Variants in FUZ observed in about 807,000 individuals in gnomAD.
FUZ encodes protein fuzzy homolog.
A neutral mutation model predicts 43.1 loss-of-function variants in FUZ; 31 were observed. That is an observed-to-expected ratio of 0.72 (90% CI 0.54 to 0.97). The LOEUF is 0.97. Ranked by LOEUF, FUZ falls within the 50% of genes least tolerant of loss-of-function variation. FUZ has a pLI of 0.00. For missense variants in FUZ, 539 were observed against 543.8 expected (o/e 0.99, Z 0.09); for synonymous variants, 274 against 250.0 (o/e 1.10, Z -0.91).
chr19:49,808,243 C>G, intron 10 of FUZ, 171 bp downstream of exon 10: 1 of 737,902 alleles, frequency 1.4e-6, no homozygotes, highest in Admixed American at 2.1e-5. Context: ...CTCCCTTCCC[C>G]TCCCTTCCCA....
At position 49,811,646 on chromosome 19, in the gene FUZ, C is replaced by T; in HGVS notation, c.372G>A (p.Leu124=). ...GCAACCTCACCCTCAAGTCCTTCTT[C>T]AGTCTCTCCACGTTGCGGATATTGG... ...ELTNIRNVER[L]KKDLRASYCL... is the part of the protein sequence containing the mutation. The change falls in exon 4 of 11, where the codon CTG becomes CTA. Residue 124 remains leucine (L), a synonymous_variant. Transcript: ENST00000313777. 6.2e-7 allele frequency: 1 copy of T among 1,614,210 alleles called. No homozygotes were observed. Among genetic ancestry groups the T allele is most frequent in the Non-Finnish European group, 8.5e-7 (1 of 1,180,014 alleles).
chr19:49,811,769 G>A (rs2123831661), intron 3 of FUZ, 70 bp from the exon 4 acceptor site: 1 of 1,273,568 alleles, frequency 7.9e-7, no homozygotes. Context: ...AAGGAAGAGG[G>A]GGCTGGGACT....
At position 49,809,087 on chromosome 19, in the gene FUZ, A is replaced by T. The variant is rs2073610108; in HGVS notation, c.786+76T>A. ...GGGGCTGGGGAAAGATGCCGCTGGC[A>T]GGGCAGGGTGGTGGGGAAGGGCCCT... On this transcript the variant is annotated intron_variant, in intron 7 of 10. Transcript: ENST00000313777. The surrounding 1 kb of genome is among the most constrained non-coding windows in gnomAD (Gnocchi z 5.1). 7.4e-7 allele frequency: 1 copy of T among 1,349,524 alleles called. No homozygotes were observed. The highest frequency in any genetic ancestry group is 1.0e-6 in the Non-Finnish European group (1 of 964,768). 83.6% of individuals were successfully genotyped at this position (1,349,524 alleles called of 1,614,324 possible). A position where few individuals can be genotyped will look rare whatever the true frequency, so the allele number is the denominator to read the frequency against.
rs1248850959 is a variant in FUZ at position 49,809,501 on chromosome 19, T to G, written c.567A>C (p.Ala189=). Residue 189 remains alanine (A), a synonymous_variant, in exon 6 of 11, where the codon GCA becomes GCC. Coordinates refer to ENST00000313777, the MANE Select transcript of FUZ (RefSeq NM_025129.5). This position sits in a 1 kb window ranked among gnomAD's most constrained non-coding sequence, Gnocchi z 5.1. ...VSLVVSGRVV[A]ATEGWWRLGT... ...CCAGCCGCCACCAACCCTCTGTTGC[T>G]GCCACCACCCGGCCGGACACCACCA... is the stretch of plus-strand genomic sequence containing the variant. 1 of 1,594,284 alleles carries G rather than the reference T, an allele frequency of 6.3e-7. No homozygotes were observed. The highest frequency in any genetic ancestry group is 1.3e-5 in the African/African-American group (1 of 74,684).
chr19:49,812,534 G>C, intron 2 of FUZ, 81 bp downstream of exon 2: 3 of 1,586,896 alleles, frequency 1.9e-6, no homozygotes, highest in Non-Finnish European at 2.6e-6. Flanking sequence ...TGCTTTTAGA[G>C]AGCTGGAAGG....
At chr19:49,811,608 A>C in intron 4 of FUZ, 23 bp downstream of exon 4, 1 of 1,612,516 alleles carries the variant, frequency 6.2e-7, no homozygotes, top group Non-Finnish European at 8.5e-7. Context: ...CTAACTTCCC[A>C]CCCTCATGTC....
At position 49,806,971 on chromosome 19, in the gene FUZ, T is replaced by A. The variant is rs759597668; in HGVS notation, c.*180A>T. On this transcript the variant is annotated 3_prime_UTR_variant, in exon 11 of 11. Transcript: ENST00000313777. ...TTAGGGGGAGTCCCCCTCCCTCCCT[T>A]TCCCCCCCAAGCACAGAGGGGAGAG... 7.2e-6 allele frequency: 11 copies of A among 1,531,454 alleles called. No homozygotes were observed. In the Admixed American group the frequency reaches 1.4e-4, roughly 19 times the overall value. The allele number at this position is 1,531,454 out of a possible 1,614,324, so 94.9% of individuals were successfully genotyped here. A position where few individuals can be genotyped will look rare whatever the true frequency, so the allele number is the denominator to read the frequency against.
At chr19:49,812,199 C>G (rs2073825205) in intron 3 of FUZ, 52 bp downstream of exon 3, 3 of 1,310,264 alleles carry the variant, frequency 2.3e-6, no homozygotes, top group Non-Finnish European at 2.2e-6. Context: ...GAAAAGGATG[C>G]TGAGATCTCA....
At chr19:49,811,012 G>T (rs555641662) in intron 5 of FUZ, 3 of 374,006 alleles carry the variant, frequency 8.0e-6, no homozygotes. Flanking sequence ...TTAGCCGGGC[G>T]TAGTGGTGGG....
chr19:49,811,452 T>G lies in FUZ; in HGVS notation c.403A>C (p.Ile135Leu). Reference sequence around the variant, plus strand: ...TCCGAGTCCCCCAGGAAGCTGTCGATGAGGCAATAACTGGCCTAGGAGAGG... The same window carrying G: ...TCCGAGTCCCCCAGGAAGCTGTCGAGGAGGCAATAACTGGCCTAGGAGAGG... ...KKDLRASYCLIDSFLGDSELI... is the reference protein window; with the variant it reads ...KKDLRASYCLLDSFLGDSELI... Residue 135 changes from isoleucine (I) to leucine (L), a missense_variant, in exon 5 of 11, where the codon ATC becomes CTC. Coordinates refer to ENST00000313777, the MANE Select transcript of FUZ (RefSeq NM_025129.5). 2 of 1,614,020 alleles carry G rather than the reference T, an allele frequency of 1.2e-6. No individual in the cohort carries two copies. Among genetic ancestry groups the G allele is most frequent in the Non-Finnish European group, 1.7e-6 (2 of 1,179,940 alleles).
rs2123793408 is a variant in FUZ, at chr19:49,808,455, C to T, written c.992G>A (p.Arg331Gln). ...PSPEQRRRLL[R>Q]NFYTLVTSTH... ...GGAGGTGACCAGGGTATAGAAGTTT[C>T]GGAGGAGGCGCCGGCGCTGTTCTGG... Residue 331 changes from arginine to glutamine, a missense_variant, in exon 10 of 11, where the codon CGA (arginine) becomes CAA (glutamine). Transcript: ENST00000313777. The T allele has an allele frequency of 6.2e-7, 1 of 1,612,522 alleles. No homozygotes were observed. Among genetic ancestry groups the T allele is most frequent in the Non-Finnish European group, 8.5e-7 (1 of 1,179,624 alleles).
intron 3 of FUZ, among the ~76,000 whole-genome samples, chr19:49,812,035 G>C (rs2073818720): frequency 6.6e-6 from 1 of 152,206 alleles, no homozygotes; most frequent in African/African-American, 2.4e-5. Flanking sequence ...TTGAACCTGG[G>C]AGGCAGAGGT....
Position 49,809,467 on chromosome 19 carries a change from C to T in FUZ, c.601G>A (p.Glu201Lys), listed in dbSNP as rs756120394. The change falls in exon 6 of 11, where the codon GAG becomes AAG. Residue 201 changes from glutamate (E) to lysine (K), a missense_variant. Physicochemically the swap from Glu to Lys is moderately conservative, Grantham distance 56. Transcript: ENST00000313777. This position sits in a 1 kb window ranked among gnomAD's most constrained non-coding sequence, Gnocchi z 5.1. ...ACCAGCCAGGGGAGCAGCACGGCCT[C>T]GGGCGTCCCCAGCCGCCACCAACCC... ...TEGWWRLGTP[E>K]AVLLPWLVGS... 10 of 1,565,016 alleles carry T rather than the reference C, an allele frequency of 6.4e-6. No homozygotes were observed. In the South Asian group the frequency reaches 1.0e-4, roughly 16 times the overall value.
Position 49,809,308 on chromosome 19 carries a change from C to T in FUZ, c.691-50G>A. ...TCATCGCGGCCCGGCCCCTTTCCAT[C>T]GCAGATCCCGCCTCCTCGCGACTCG... On this transcript the variant is annotated intron_variant, in intron 6 of 10. Coordinates refer to ENST00000313777, the MANE Select transcript of FUZ (RefSeq NM_025129.5). This position sits in a 1 kb window ranked among gnomAD's most constrained non-coding sequence, Gnocchi z 5.1. 1.9e-6 allele frequency: 3 copies of T among 1,548,690 alleles called. No individual in the cohort carries two copies. Among genetic ancestry groups the T allele is most frequent in the East Asian group, 2.4e-5 (1 of 40,910 alleles).
intron 10 of FUZ, chr19:49,808,022 CCT>C (rs1353441317): frequency 1.9e-5 from 7 of 360,564 alleles, no homozygotes; most frequent in African/African-American, 8.5e-5. Context: ...AGCAAGATCC[CCT>C]GTGTTCAAAT....
Position 49,809,859 on chromosome 19 carries a change from G to T in FUZ, c.493-284C>A, listed in dbSNP as rs962431555. On this transcript the variant is annotated intron_variant, in intron 5 of 10. Transcript: ENST00000313777. This position sits in a 1 kb window ranked among gnomAD's most constrained non-coding sequence, Gnocchi z 5.1. ...ACCGCAGCAGCTACCGTTCATCCAG[G>T]CCTGTTACATGCCGAGTAGGCACCA... The T allele has an allele frequency of 3.7e-6, 2 of 533,654 alleles. No individual in the cohort carries two copies. Among genetic ancestry groups the T allele is most frequent in the African/African-American group, 1.9e-5 (1 of 52,492 alleles). The allele number at this position is 533,654 out of a possible 1,614,324, so 33.1% of individuals were successfully genotyped here.
Position 49,808,824 on chromosome 19 carries a change from C to T in FUZ, c.787-1G>A. ...GTGGCTGCCACCAGCGCTCCAGAAG[C>T]TGCAGGGGGCGTGGTCATTGTGAGG... On this transcript the variant is annotated splice_acceptor_variant, in intron 7 of 10. Transcript: ENST00000313777. LOFTEE classifies it high-confidence loss of function. 8 of 1,546,464 alleles carry T rather than the reference C, an allele frequency of 5.2e-6. No homozygotes were observed. Among genetic ancestry groups the T allele is most frequent in the Non-Finnish European group, 7.0e-6 (8 of 1,147,448 alleles).
intron 5 of FUZ, among the ~76,000 whole-genome samples, chr19:49,810,429 C>A (rs1419198993): frequency 6.6e-6 from 1 of 151,922 alleles, no homozygotes; most frequent in South Asian, 2.1e-4. Flanking sequence ...AATCCCAGCA[C>A]TTTGGGAGGC....
At chr19:49,812,428 C>A in intron 2 of FUZ, 93 bp from the exon 3 acceptor site, 1 of 1,313,820 alleles carries the variant, frequency 7.6e-7, no homozygotes, top group Non-Finnish European at 1.1e-6. Flanking sequence ...ACACCAGATA[C>A]ATCCTCTCTC....
Sources: gnomAD v4.1 joint callset for allele counts (sites outside exome capture counted in the v4.1 genomes callset) on GRCh38, gnomAD v4.1.1 for gene constraint, Gnocchi (gnomAD v3.1) non-coding constraint, MANE v1.5 for transcripts, NCBI Gene and HGNC (gene_info 2026-07-23, HGNC 2026-07-21) for gene names.